The following RIT2 variants were observed in gnomAD, a reference collection of about 807,000 sequenced individuals.
The protein encoded by RIT2 is GTP-binding protein Rit2.
In RIT2, 24 loss-of-function variants were observed where a neutral mutation model predicts 23.7. That is an observed-to-expected ratio of 1.01 (90% confidence interval 0.73 to 1.43). The LOEUF (loss-of-function observed/expected upper bound fraction) is 1.43. Among genes scored for constraint, RIT2 ranks in the 40% most tolerant of loss-of-function variants. The pLI, the probability that RIT2 is intolerant of heterozygous loss-of-function variation, is 0.00. For synonymous variants in RIT2, 107 were observed against 91.1 expected, an observed-to-expected ratio of 1.17 and a Z score of -0.99; for missense variants, 236 against 266.9, an observed-to-expected ratio of 0.88 and a Z score of 0.81.
At chr18:43,041,835 C>G (rs574514915) in intron 1 of RIT2, among the ~76,000 whole-genome samples, 16 of 152,134 alleles carry the variant, frequency 1.1e-4, no homozygotes, top group African/African-American at 3.9e-4. Flanking sequence ...TATTATATAT[C>G]ACCCTCCTTG....
At position 42,818,320 on chromosome 18, in the gene RIT2, T is replaced by C. The variant is rs1318266012; in HGVS notation, c.427-74600A>G. 2.6e-5 allele frequency among the ~76,000 whole-genome samples: 4 copies of C among 152,230 alleles called. No individual in the cohort carries two copies. In the East Asian group the frequency reaches 7.7e-4, roughly 29 times the overall value. On this transcript the variant is annotated intron_variant, in intron 4 of 4. Coordinates refer to ENST00000326695, the MANE Select transcript of RIT2 (RefSeq NM_002930.4). ...CTTCATAATTCCACTTTTGCCTGTT[T>C]GTGCTACATATTACAATTGGCACTA...
At chr18:42,771,513 G>T (rs1261010829) in intron 4 of RIT2, among the ~76,000 whole-genome samples, 1 of 152,074 alleles carries the variant, frequency 6.6e-6, no homozygotes, top group East Asian at 1.9e-4. Context: ...ACCTCTCTGA[G>T]CATCAGTTTA....
intron 4 of RIT2, among the ~76,000 whole-genome samples, 180 bp from the exon 5 acceptor site, chr18:42,743,900 G>A (rs936999865): frequency 6.6e-6 from 1 of 151,988 alleles, no homozygotes; most frequent in Non-Finnish European, 1.5e-5. Context: ...CAAAAGAAGT[G>A]AAAATGCCCT....
At chr18:43,043,860 G>A (rs966754894) in intron 1 of RIT2, among the ~76,000 whole-genome samples, 1 of 152,084 alleles carries the variant, frequency 6.6e-6, no homozygotes, top group African/African-American at 2.4e-5. Context: ...AAAGCAGGGA[G>A]AGTGTTCTTT....
intron 3 of RIT2, among the ~76,000 whole-genome samples, chr18:42,964,911 CT>C (rs1220167953): frequency 6.6e-6 from 1 of 152,168 alleles, no homozygotes; most frequent in Admixed American, 6.5e-5. Context: ...CAATTTTAAG[CT>C]TTTTGGGAGT....
At chr18:43,047,392 T>A (rs962665409) in intron 1 of RIT2, among the ~76,000 whole-genome samples, 1 of 152,146 alleles carries the variant, frequency 6.6e-6, no homozygotes, top group African/African-American at 2.4e-5. Flanking sequence ...AAATTAATGC[T>A]GTGCTTAATC....
intron 2 of RIT2, among the ~76,000 whole-genome samples, chr18:43,003,980 T>C (rs1417809413): frequency 6.6e-6 from 1 of 151,838 alleles, no homozygotes; most frequent in Non-Finnish European, 1.5e-5. Context: ...CTGCTTTTTC[T>C]GTACTCTATT....
intron 4 of RIT2, among the ~76,000 whole-genome samples, chr18:42,840,381 T>C (rs1203302002): frequency 6.6e-6 from 1 of 152,230 alleles, no homozygotes; most frequent in Non-Finnish European, 1.5e-5. Flanking sequence ...ACAAATGCCA[T>C]ATTTACTATA....
chr18:42,773,789 T>C (rs947118040), intron 4 of RIT2, among the ~76,000 whole-genome samples: 2 of 152,142 alleles, frequency 1.3e-5, no homozygotes, highest in Non-Finnish European at 2.9e-5. Flanking sequence ...CAGGAGATAA[T>C]AATTGATCAG....
chr18:43,110,737 AAGTTTC>A (rs1171263365), intron 1 of RIT2, among the ~76,000 whole-genome samples: 1 of 152,012 alleles, frequency 6.6e-6, no homozygotes, highest in East Asian at 1.9e-4. Context: ...TTTGTAATAT[AAGTTTC>A]TATTCTACTG....
intron 3 of RIT2, among the ~76,000 whole-genome samples, chr18:42,944,745 T>G (rs7242054): frequency 0.022 from 3,397 of 152,246 alleles, 134 homozygotes; most frequent in African/African-American, 0.076. Context: ...TAGGTTTGTC[T>G]GCAAGTCGCT....
intron 4 of RIT2, among the ~76,000 whole-genome samples, chr18:42,837,182 T>C (rs887791417): frequency 2.3e-5 from 3 of 132,510 alleles, no homozygotes; most frequent in Non-Finnish European, 4.7e-5. Flanking sequence ...TTTTTTTTTT[T>C]TTTGAGACGG....
At chr18:42,942,372 C>G (rs1157157474) in intron 3 of RIT2, among the ~76,000 whole-genome samples, 1 of 152,088 alleles carries the variant, frequency 6.6e-6, no homozygotes, top group Non-Finnish European at 1.5e-5. Flanking sequence ...TATCGGAAGC[C>G]TCTCTCCACT....
chr18:42,788,331 T>G (rs2143942163), intron 4 of RIT2, among the ~76,000 whole-genome samples: 1 of 152,278 alleles, frequency 6.6e-6, no homozygotes, highest in South Asian at 2.1e-4. Flanking sequence ...TCAGGTAGTT[T>G]TGGATATTCT....
At chr18:42,807,503 A>AGGTG (rs1905716434) in intron 4 of RIT2, among the ~76,000 whole-genome samples, 1 of 152,058 alleles carries the variant, frequency 6.6e-6, no homozygotes, top group African/African-American at 2.4e-5. Context: ...TGTAATCCCA[A>AGGTG]CTACTGAGGA....
chr18:43,096,796 T>C (rs1312115730), intron 1 of RIT2, among the ~76,000 whole-genome samples: 2 of 151,896 alleles, frequency 1.3e-5, no homozygotes, highest in African/African-American at 2.4e-5. Context: ...CAAAAAGTTA[T>C]ATAAAACTAA....
At chr18:42,951,803 A>G (rs1179570426) in intron 3 of RIT2, among the ~76,000 whole-genome samples, 1 of 152,138 alleles carries the variant, frequency 6.6e-6, no homozygotes, top group Admixed American at 6.6e-5. Flanking sequence ...TGTGGTTTAT[A>G]TACATACACT....
chr18:42,885,131 C>A (rs190042766), intron 4 of RIT2, among the ~76,000 whole-genome samples: 70 of 152,046 alleles, frequency 4.6e-4, no homozygotes, highest in African/African-American at 1.7e-3. Context: ...GTATTGCTGG[C>A]AGCAAAATAA....
chr18:42,918,382 T>C (rs1307208427), intron 4 of RIT2, among the ~76,000 whole-genome samples: 1 of 152,130 alleles, frequency 6.6e-6, no homozygotes, highest in Non-Finnish European at 1.5e-5. Flanking sequence ...TTTAATTTAA[T>C]TAAATAACAT....
Sources: gnomAD v4.1 joint callset for allele counts (sites outside exome capture counted in the v4.1 genomes callset) on GRCh38, gnomAD v4.1.1 for gene constraint, MANE v1.5 for transcripts, NCBI Gene and HGNC (gene_info 2026-07-23, HGNC 2026-07-21) for gene names.